Variants in FAM120AOS observed in about 807,000 individuals in gnomAD.
FAM120AOS encodes family with sequence similarity 120 member A opposite strand, also known as uncharacterized protein FAM120AOS.
A neutral mutation model predicts 20.2 loss-of-function variants in FAM120AOS; 15 were observed. The ratio of observed to expected loss-of-function variants is 0.74; its 90% CI spans 0.50 to 1.15. The LOEUF (loss-of-function observed/expected upper bound fraction) is 1.15. FAM120AOS is among the 50% of genes most tolerant of loss of function. The pLI, the probability that FAM120AOS is intolerant of heterozygous loss-of-function variation, is 0.00. For synonymous variants in FAM120AOS, 154 were observed against 154.0 expected (o/e 1.00, Z 0.00); for missense variants, 327 against 351.9 (o/e 0.93, Z 0.57).
In FAM120AOS at chr9:93,444,563, T is replaced by G. The variant is rs1316143206; in HGVS notation, c.*3048A>C. Among the ~76,000 whole-genome samples, 2 of 152,064 alleles carry G rather than the reference T, an allele frequency of 1.3e-5. No individual in the cohort carries two copies. The highest frequency in any genetic ancestry group is 2.9e-5 in the Non-Finnish European group (2 of 68,006). ...ATATTTGGCACAGGATTTCTAGACC[T>G]GTAGGTTACGGAAATGTCACAGTAT... is the stretch of plus-strand genomic sequence containing the variant. On this transcript the variant is annotated 3_prime_UTR_variant, in exon 3 of 3. Transcript: ENST00000375412.
chr9:93,452,576 G>T lies in FAM120AOS; in HGVS notation c.134C>A (p.Ala45Glu). 6.3e-7 allele frequency: 1 copy of T among 1,595,124 alleles called. No homozygotes were observed. Residue 45 changes from alanine (A) to glutamate (E), a missense_variant, in exon 1 of 3, where the codon GCA becomes GAA. Transcript: ENST00000375412. The surrounding 1 kb of genome is among the most constrained non-coding windows in gnomAD (Gnocchi z 7.0). The part of the protein sequence containing the change: ...PNRDSWRRAW[A>E]ARGLHPRPSI... ...TGGCCGCGGGTGCAGGCCGCGCGCT[G>T]CCCAAGCCCGTCTCCAGCTGTCCCT...
At chr9:93,448,911 C>T (rs1856964651) in intron 2 of FAM120AOS, among the ~76,000 whole-genome samples, 2 of 152,186 alleles carry the variant, frequency 1.3e-5, no homozygotes, top group Admixed American at 1.3e-4. Context: ...GCGTGAGCCA[C>T]TGCGCCCGGC....
chr9:93,452,520 A>T lies in FAM120AOS; in HGVS notation c.190T>A (p.Ser64Thr), dbSNP rs771538981. Reference sequence around the variant, plus strand: ...CGAGTTCCCCCAGCCCTTGCCCGGGATAGCCTGGCCGGGCCGGGCTGCAAG... The same window carrying T: ...CGAGTTCCCCCAGCCCTTGCCCGGGTTAGCCTGGCCGGGCCGGGCTGCAAG... ...SILQPGPARL[S>T]RARAGGTRCP... is the part of the protein sequence containing the mutation. Residue 64 changes from serine to threonine, a missense_variant, in exon 1 of 3, where the codon TCC becomes ACC. By Grantham distance (58) the Ser-to-Thr change is moderately conservative. Around this residue, in one of 3 missense-constraint regions of FAM120AOS, gnomAD observed 155 missense variants for 128.8 expected, o/e 1.20. Coordinates refer to ENST00000375412, the MANE Select transcript of FAM120AOS (RefSeq NM_198841.4). This position sits in a 1 kb window ranked among gnomAD's most constrained non-coding sequence, Gnocchi z 7.0. 6.4e-7 allele frequency: 1 copy of T among 1,554,236 alleles called. No individual in the cohort carries two copies. Among genetic ancestry groups the T allele is most frequent in the Admixed American group, 1.9e-5 (1 of 52,454 alleles).
Position 93,447,640 on chromosome 9 carries a change from T to G in FAM120AOS, c.742A>C (p.Thr248Pro). The part of the protein sequence containing the change: ...KVSKKTTKPP[T>P]LRSFLSPI ...ATTGGACTCAAGAATGATCTTAGTG[T>G]TGGTGGTTTTGTGGTTTTCTTTGAG... The change falls in exon 3 of 3, where the codon ACA becomes CCA. Residue 248 changes from threonine (T) to proline (P), a missense_variant. By Grantham distance (38) the Thr-to-Pro change is conservative. Transcript: ENST00000375412. 17 of 1,614,108 alleles carry G rather than the reference T, an allele frequency of 1.1e-5. No homozygotes were observed. The highest frequency in any genetic ancestry group is 1.4e-5 in the Non-Finnish European group (17 of 1,179,974).
intron 1 of FAM120AOS, chr9:93,451,893 G>GCGCCCGCGCCCC: frequency 9.9e-7 from 1 of 1,015,066 alleles, no homozygotes; most frequent in Non-Finnish European, 1.2e-6. Flanking sequence ...GCCCGCACCC[G>GCGCCCGCGCCCC]CGCCCGCGCC....
chr9:93,450,872 C>G (rs1857123589), intron 1 of FAM120AOS: 1 of 923,816 alleles, frequency 1.1e-6, no homozygotes, highest in Non-Finnish European at 1.7e-6. Context: ...GCTGGGAGAT[C>G]CACTGCAAAG....
In FAM120AOS at chr9:93,447,590, G is replaced by A; in HGVS notation, c.*21C>T. On this transcript the variant is annotated 3_prime_UTR_variant, in exon 3 of 3. Coordinates refer to ENST00000375412, the MANE Select transcript of FAM120AOS (RefSeq NM_198841.4). ...GGTTTCTTGTCCTTTCAATGCCTCTGCAGAACTTGACCCTAGTTTTTCAAA... is the reference window on the plus strand; with the variant it reads ...GGTTTCTTGTCCTTTCAATGCCTCTACAGAACTTGACCCTAGTTTTTCAAA... 6.2e-7 allele frequency: 1 copy of A among 1,609,328 alleles called. No individual in the cohort carries two copies. The highest frequency in any genetic ancestry group is 8.5e-7 in the Non-Finnish European group (1 of 1,176,152).
At position 93,452,606 on chromosome 9, in the gene FAM120AOS, G is replaced by C. The variant is rs1326264245; in HGVS notation, c.104C>G (p.Pro35Arg). ...PSSVPTRPRTPNRDSWRRAWA... is the reference protein window; with the variant it reads ...PSSVPTRPRTRNRDSWRRAWA... Reference sequence around the variant, plus strand: ...AGCCCGTCTCCAGCTGTCCCTGTTCGGGGTCCGCGGCCGCGTGGGGACACT... The same window carrying C: ...AGCCCGTCTCCAGCTGTCCCTGTTCCGGGTCCGCGGCCGCGTGGGGACACT... Residue 35 changes from proline (P) to arginine (R), a missense_variant, in exon 1 of 3, where the codon CCG becomes CGG. Physicochemically the swap from Pro to Arg is moderately radical, Grantham distance 103. This residue lies in a region of FAM120AOS where 155 missense variants were observed against 128.8 expected (regional missense o/e 1.20). Coordinates refer to ENST00000375412, the MANE Select transcript of FAM120AOS (RefSeq NM_198841.4). The surrounding 1 kb of genome is among the most constrained non-coding windows in gnomAD (Gnocchi z 7.0). 3 of 1,598,978 alleles carry C rather than the reference G, an allele frequency of 1.9e-6. No individual in the cohort carries two copies. Among genetic ancestry groups the C allele is most frequent in the Non-Finnish European group, 2.5e-6 (3 of 1,179,704 alleles).
Position 93,447,572 on chromosome 9 carries a change from T to C in FAM120AOS, c.*39A>G. The C allele has an allele frequency of 1.3e-6, 2 of 1,584,208 alleles. No homozygotes were observed. The highest frequency in any genetic ancestry group is 2.2e-5 in the South Asian group (2 of 90,068). Reference sequence around the variant, plus strand: ...CACGATGGGTATCAGGGTGGTTTCTTGTCCTTTCAATGCCTCTGCAGAACT... The same window carrying C: ...CACGATGGGTATCAGGGTGGTTTCTCGTCCTTTCAATGCCTCTGCAGAACT... On this transcript the variant is annotated 3_prime_UTR_variant, in exon 3 of 3. Coordinates refer to ENST00000375412, the MANE Select transcript of FAM120AOS (RefSeq NM_198841.4).
Position 93,443,504 on chromosome 9 carries a change from G to A in FAM120AOS, c.*4107C>T, listed in dbSNP as rs1184014552. Among the ~76,000 whole-genome samples, 1 of 152,226 alleles carries A rather than the reference G, an allele frequency of 6.6e-6. No homozygotes were observed. The highest frequency in any genetic ancestry group is 2.4e-5 in the African/African-American group (1 of 41,462). The stretch of plus-strand genomic sequence containing the variant: ...GTCATTTTTACAGTTCTGAACTGCT[G>A]TGCAGTGAGGACTGTCTGTTTTATG... On this transcript the variant is annotated 3_prime_UTR_variant, in exon 3 of 3. Coordinates refer to ENST00000375412, the MANE Select transcript of FAM120AOS (RefSeq NM_198841.4).
intron 1 of FAM120AOS, 187 bp downstream of exon 1, chr9:93,451,960 G>A (rs763546850): frequency 7.8e-6 from 12 of 1,535,752 alleles, no homozygotes; most frequent in Non-Finnish European, 8.7e-6. Context: ...AGCACTGCCC[G>A]AGCGCCGTGG....
At chr9:93,450,413 G>A in intron 2 of FAM120AOS, 66 bp downstream of exon 2, 1 of 1,508,100 alleles carries the variant, frequency 6.6e-7, no homozygotes, top group South Asian at 1.4e-5. Flanking sequence ...TTTAATTTAT[G>A]TACGTATGAT....
Position 93,443,955 on chromosome 9 carries a change from C to T in FAM120AOS, c.*3656G>A, listed in dbSNP as rs779079497. Among the ~76,000 whole-genome samples the T allele has an allele frequency of 6.6e-6, 1 of 152,220 alleles. No homozygotes were observed. On this transcript the variant is annotated 3_prime_UTR_variant, in exon 3 of 3. Coordinates refer to ENST00000375412, the MANE Select transcript of FAM120AOS (RefSeq NM_198841.4). The stretch of plus-strand genomic sequence containing the variant: ...AGAGAGAAAAAAAGATGGATTATTT[C>T]CACATTCTTCAGACCATAGGGTCAT...
At position 93,447,714 on chromosome 9, in the gene FAM120AOS, A is replaced by G. The variant is rs778027552; in HGVS notation, c.685-17T>C. ...TCTGGAAATCTGAAAAGAAAAAAAA[A>G]AAGGTAGTTTATATATTAGTTTGGA... On this transcript the variant is annotated splice_polypyrimidine_tract_variant and intron_variant, in intron 2 of 2. Transcript: ENST00000375412. The G allele has an allele frequency of 6.3e-7, 1 of 1,597,982 alleles. No homozygotes were observed. Among genetic ancestry groups the G allele is most frequent in the Non-Finnish European group, 8.6e-7 (1 of 1,168,306 alleles).
intron 1 of FAM120AOS, chr9:93,451,365 G>C (rs1321192530): frequency 5.6e-6 from 8 of 1,419,698 alleles, no homozygotes; most frequent in Non-Finnish European, 7.4e-6. Context: ...GAGAACCACC[G>C]GGCGGAGGCG....
At position 93,444,222 on chromosome 9, in the gene FAM120AOS, T is replaced by C. The variant is rs1262561711; in HGVS notation, c.*3389A>G. ...CGCCCAGCTAATTTTGTGTTTTTAG[T>C]AGAGACAGGGTTTCTCCATGTTGGT... On this transcript the variant is annotated 3_prime_UTR_variant, in exon 3 of 3. Coordinates refer to ENST00000375412, the MANE Select transcript of FAM120AOS (RefSeq NM_198841.4). Among the ~76,000 whole-genome samples, 1 of 152,018 alleles carries C rather than the reference T, an allele frequency of 6.6e-6. No individual in the cohort carries two copies. The highest frequency in any genetic ancestry group is 1.5e-5 in the Non-Finnish European group (1 of 68,012).
intron 1 of FAM120AOS, chr9:93,451,260 G>T: frequency 6.7e-7 from 1 of 1,495,622 alleles, no homozygotes. Context: ...GAGTGACTCG[G>T]CCTCGGCTCC....
At chr9:93,451,854 C>A in intron 1 of FAM120AOS, 1 of 980,278 alleles carries the variant, frequency 1.0e-6, no homozygotes, top group Non-Finnish European at 1.2e-6. Flanking sequence ...CGCGCCACGG[C>A]CCCACCACCC....
Position 93,447,664 on chromosome 9 carries a change from A to G in FAM120AOS, c.718T>C (p.Ser240Pro). 6.2e-7 allele frequency: 1 copy of G among 1,613,856 alleles called. No individual in the cohort carries two copies. Among genetic ancestry groups the G allele is most frequent in the Non-Finnish European group, 8.5e-7 (1 of 1,179,820 alleles). The change falls in exon 3 of 3, where the codon TCA becomes CCA. Residue 240 changes from serine (S) to proline (P), a missense_variant. Physicochemically the swap from Ser to Pro is moderately conservative, Grantham distance 74. Around this residue, in one of 3 missense-constraint regions of FAM120AOS, gnomAD observed 86 missense variants for 82.9 expected, o/e 1.04. Transcript: ENST00000375412. ...GTTGGTGGTTTTGTGGTTTTCTTTG[A>G]GACTTTGTTATTGACAGAACAGCTT... ...SRSCSVNNKVSKKTTKPPTLR... is the reference protein window; with the variant it reads ...SRSCSVNNKVPKKTTKPPTLR...
Sources: gnomAD v4.1 joint callset for allele counts (sites outside exome capture counted in the v4.1 genomes callset) on GRCh38, gnomAD v4.1.1 for gene constraint, gnomAD v4.1.1 regional missense constraint, Gnocchi (gnomAD v3.1) non-coding constraint, MANE v1.5 for transcripts, NCBI Gene and HGNC (gene_info 2026-07-23, HGNC 2026-07-21) for gene names.